Variants in PKHD1 observed in about 807,000 individuals in gnomAD.
PKHD1 encodes the protein fibrocystin.
Under a neutral mutation model 412.0 loss-of-function variants are expected in PKHD1, and 291 were observed. That is an observed-to-expected ratio of 0.71 (90% CI 0.64 to 0.78). PKHD1 has a LOEUF of 0.78. Ranked by LOEUF, PKHD1 falls within the 30% of genes least tolerant of loss-of-function variation. PKHD1 has a pLI of 0.00. For synonymous variants in PKHD1, 1,777 were observed against 1,821.5 expected, an observed-to-expected ratio of 0.98 and a Z score of 0.62; for missense variants, 4,825 against 4,950.7, an observed-to-expected ratio of 0.97 and a Z score of 0.76.
chr6:52,025,262 C>T lies in PKHD1; in HGVS notation c.4548G>A (p.Pro1516=), dbSNP rs141745652. ...GQRLATTADE[P]MVFVDDQLPC... ...GAAGTTGATCATCCACAAATACCATCGGCTCATCAGCTGTGGTGGCTAACC... is the reference window on the plus strand; with the variant it reads ...GAAGTTGATCATCCACAAATACCATTGGCTCATCAGCTGTGGTGGCTAACC... The change falls in exon 32 of 67, where the codon CCG becomes CCA. Residue 1516 remains proline, a synonymous_variant. Transcript: ENST00000371117. 9.3e-6 allele frequency: 15 copies of T among 1,614,018 alleles called. No homozygotes were observed. The highest frequency in any genetic ancestry group is 1.3e-5 in the African/African-American group (1 of 75,034).
intron 52 of PKHD1, among the ~76,000 whole-genome samples, chr6:51,815,754 C>G (rs1324772880): frequency 1.3e-5 from 2 of 152,066 alleles, no homozygotes; most frequent in African/African-American, 4.8e-5. Context: ...AAAATTAAAG[C>G]CTGCTGATTT....
At chr6:51,684,002 A>T (rs941408157) in intron 60 of PKHD1, among the ~76,000 whole-genome samples, 1 of 151,986 alleles carries the variant, frequency 6.6e-6, no homozygotes, top group Non-Finnish European at 1.5e-5. Flanking sequence ...GCTCCCATAT[A>T]CTCAACCAGT....
chr6:52,006,371 G>GTTGTTGT lies in PKHD1; in HGVS notation c.5751+3937_5751+3938insACAACAA, dbSNP rs1554189208. Among the ~76,000 whole-genome samples, 608 of 148,682 alleles carry GTTGTTGT rather than the reference G, an allele frequency of 4.1e-3. 2 individuals are homozygous for GTTGTTGT. Among genetic ancestry groups the GTTGTTGT allele is most frequent in the African/African-American group, 0.012 (490 of 40,268 alleles). ...TTTGTTTTTTGTTGTTGTTGTTGTT[G>GTTGTTGT]TTGTTTGTTTGTTTGTTTGTTTTGA... On this transcript the variant is annotated intron_variant, in intron 35 of 66. Coordinates refer to ENST00000371117, the MANE Select transcript of PKHD1 (RefSeq NM_138694.4).
rs371786731 is a variant in PKHD1 at position 52,077,574 on chromosome 6, G to A, written c.391-1241C>T. 9.2e-5 allele frequency among the ~76,000 whole-genome samples: 14 copies of A among 152,278 alleles called. No individual in the cohort carries two copies. In the South Asian group the frequency reaches 2.9e-3, roughly 32 times the overall value. ...GAGAACATCACCAAAGAATAACTCG[G>A]TTGTTAATCAACAGCCTTAATCAGA... On this transcript the variant is annotated intron_variant, in intron 5 of 66. Transcript: ENST00000371117.
Position 51,912,567 on chromosome 6 carries a change from G to C in PKHD1, c.6131C>G (p.Pro2044Arg), listed in dbSNP as rs1487048656. The part of the protein sequence containing the change: ...NGTLSLHGSL[P>R]EVIVTCLRAT... ...TCTAAGACAGGTGACAATTACTTCT[G>C]GTAGTGAACCTAAAGCAGCCCGAGG... The change falls in exon 38 of 67, where the codon CCA becomes CGA. Residue 2044 changes from proline (P) to arginine (R), a missense_variant. Physicochemically the swap from Pro to Arg is moderately radical, Grantham distance 103. Coordinates refer to ENST00000371117, the MANE Select transcript of PKHD1 (RefSeq NM_138694.4). 2 of 1,610,844 alleles carry C rather than the reference G, an allele frequency of 1.2e-6. No individual in the cohort carries two copies. Among genetic ancestry groups the C allele is most frequent in the Non-Finnish European group, 8.5e-7 (1 of 1,177,380 alleles).
intron 43 of PKHD1, 80 bp from the exon 44 acceptor site, chr6:51,887,325 T>A (rs1778374633): frequency 1.2e-6 from 1 of 849,962 alleles, no homozygotes; most frequent in Non-Finnish European, 2.0e-6. Context: ...TTGTTTGTAC[T>A]CATCCCAATT....
Position 51,707,875 on chromosome 6 carries a change from C to T in PKHD1, c.10156+36510G>A, listed in dbSNP as rs533154258. Among the ~76,000 whole-genome samples the T allele has an allele frequency of 2.9e-4, 44 of 152,174 alleles. 1 individual carries two copies. The highest frequency in any genetic ancestry group is 1.0e-3 in the African/African-American group (42 of 41,528). On this transcript the variant is annotated intron_variant, in intron 60 of 66. Transcript: ENST00000371117. ...GTGACTCTAAAATTACCCTGTATTC[C>T]TCCTATATGTCTGTCTACTCCTTCT...
chr6:51,831,882 T>C (rs960317502), intron 51 of PKHD1, among the ~76,000 whole-genome samples: 1 of 152,138 alleles, frequency 6.6e-6, no homozygotes, highest in Non-Finnish European at 1.5e-5. Context: ...CAATAGCACA[T>C]CACGCACAAC....
intron 52 of PKHD1, among the ~76,000 whole-genome samples, chr6:51,824,827 A>G (rs1307961747): frequency 6.6e-6 from 1 of 152,188 alleles, no homozygotes; most frequent in African/African-American, 2.4e-5. Context: ...AGATTTGACC[A>G]CAAGTTGCAG....
chr6:51,858,870 C>T (rs1254124564), intron 48 of PKHD1, among the ~76,000 whole-genome samples: 2 of 152,114 alleles, frequency 1.3e-5, no homozygotes, highest in Non-Finnish European at 2.9e-5. Context: ...AGATTTCCTG[C>T]AAACTTATTT....
chr6:51,786,200 A>T (rs1792826746), intron 53 of PKHD1, among the ~76,000 whole-genome samples: 1 of 152,106 alleles, frequency 6.6e-6, no homozygotes, highest in South Asian at 2.1e-4. Flanking sequence ...CAGATCTCCC[A>T]ACCCGAAACC....
rs1806243315 is a variant in PKHD1, at chr6:52,048,585, C to T, written c.2314G>A (p.Gly772Arg). 6.2e-7 allele frequency: 1 copy of T among 1,614,118 alleles called. No homozygotes were observed. Among genetic ancestry groups the T allele is most frequent in the East Asian group, 2.2e-5 (1 of 44,864 alleles). ...VPTEGTEEGS[G>R]LVLVTTQRRQ... ...CTCTGTGTCGTCACCAGGACCAGTCCAGATCCCTCTTCTGTTCCTTCAGTG... is the reference window on the plus strand; with the variant it reads ...CTCTGTGTCGTCACCAGGACCAGTCTAGATCCCTCTTCTGTTCCTTCAGTG... Residue 772 changes from glycine (G) to arginine (R), a missense_variant, in exon 23 of 67, where the codon GGA becomes AGA. By Grantham distance (125) the Gly-to-Arg change is moderately radical. Coordinates refer to ENST00000371117, the MANE Select transcript of PKHD1 (RefSeq NM_138694.4).
chr6:51,750,832 A>C (rs1269285084), intron 57 of PKHD1, among the ~76,000 whole-genome samples: 1 of 152,174 alleles, frequency 6.6e-6, no homozygotes, highest in African/African-American at 2.4e-5. Flanking sequence ...ACTGGAATGC[A>C]GTGGCATGAT....
intron 35 of PKHD1, among the ~76,000 whole-genome samples, chr6:51,961,244 A>G (rs1328128612): frequency 6.6e-6 from 1 of 152,130 alleles, no homozygotes; most frequent in Non-Finnish European, 1.5e-5. Flanking sequence ...AAAATGGAAA[A>G]TTGTGTTGCC....
intron 36 of PKHD1, among the ~76,000 whole-genome samples, chr6:51,941,279 C>T (rs1295298859): frequency 1.9e-5 from 2 of 106,038 alleles, no homozygotes; most frequent in African/African-American, 7.3e-5. Context: ...GACGGAGTCT[C>T]GCTCTGTCGC....
intron 37 of PKHD1, among the ~76,000 whole-genome samples, chr6:51,933,890 C>A (rs551696727): frequency 2.0e-5 from 3 of 152,346 alleles, no homozygotes; most frequent in Admixed American, 2.0e-4. Flanking sequence ...TGGAAGTATA[C>A]ACAATCCTCT....
At chr6:51,654,135 T>C (rs1337966211) in intron 61 of PKHD1, among the ~76,000 whole-genome samples, 1 of 152,272 alleles carries the variant, frequency 6.6e-6, no homozygotes, top group East Asian at 1.9e-4. Flanking sequence ...GATAATTTAT[T>C]GTGATTTACA....
intron 55 of PKHD1, among the ~76,000 whole-genome samples, chr6:51,769,945 G>A (rs1410148366): frequency 6.6e-6 from 1 of 151,412 alleles, no homozygotes; most frequent in Non-Finnish European, 1.5e-5. Context: ...AAGAAATTAA[G>A]ATTGTTGGTT....
At chr6:51,646,070 A>G (rs772474558) in intron 63 of PKHD1, among the ~76,000 whole-genome samples, 102 of 152,206 alleles carry the variant, frequency 6.7e-4, no homozygotes, top group Non-Finnish European at 1.4e-3. Flanking sequence ...TCACTTTTTC[A>G]GACTGTTGTA....
Sources: allele counts gnomAD v4.1 joint callset (sites outside exome capture counted in the v4.1 genomes callset), GRCh38; gene constraint gnomAD v4.1.1; transcripts MANE v1.5; gene names NCBI Gene and HGNC (gene_info 2026-07-23, HGNC 2026-07-21).